STAG2: variants seen among roughly 807,000 people sequenced by gnomAD.
The protein encoded by STAG2 is STAG2 cohesin complex component, also known as cohesin subunit SA-2.
STAG2 carries 14 observed loss-of-function variants against 108.1 expected under a neutral mutation model. The observed-to-expected ratio is 0.13, with a 90% CI of 0.09 to 0.20. The LOEUF is 0.20. STAG2 is among the 10% of genes least tolerant of loss of function. The probability of loss-of-function intolerance (pLI) is 1.00; values close to 1 mark genes in which losing one functional copy is unlikely to be tolerated. For synonymous variants in STAG2, 307 were observed against 302.7 expected (o/e 1.01, Z -0.15); for missense variants, 440 against 940.9 (o/e 0.47, Z 6.96).
In STAG2 at chrX:124,100,720, T is replaced by C. The variant is rs1465485860; in HGVS notation, c.*123T>C. The C allele has an allele frequency of 2.9e-4, 151 of 521,660 alleles. 1 individual carries two copies. Among genetic ancestry groups the C allele is most frequent in the Non-Finnish European group, 9.6e-5 (31 of 323,661 alleles). The allele number at this position is 521,660 out of a possible 1,213,427, so 43.0% of individuals were successfully genotyped here. On this transcript the variant is annotated 3_prime_UTR_variant, in exon 35 of 35. Coordinates refer to ENST00000371145, the MANE Select transcript of STAG2 (RefSeq NM_001042750.2). Reference sequence around the variant, plus strand: ...CTCTAAGGAGAATATGACATGCTTATGCTTACCAAGATCAAGTGCATTGAG... The same window carrying C: ...CTCTAAGGAGAATATGACATGCTTACGCTTACCAAGATCAAGTGCATTGAG...
At chrX:124,094,259 T>C (rs1322393316) in intron 33 of STAG2, 115 bp downstream of exon 33, 3 of 732,449 alleles carry the variant, frequency 4.1e-6, no homozygotes, top group Non-Finnish European at 4.0e-6. Context: ...TGCAAAAATA[T>C]TAAAATAGTT....
intron 7 of STAG2, among the ~76,000 whole-genome samples, chrX:124,043,274 A>C (rs899905795): frequency 9.3e-6 from 1 of 107,421 alleles, no homozygotes; most frequent in Non-Finnish European, 1.9e-5. Flanking sequence ...GATTACAGGC[A>C]CCCACCACCA....
intron 3 of STAG2, among the ~76,000 whole-genome samples, chrX:124,023,583 T>G (rs888562402): frequency 7.2e-5 from 8 of 111,745 alleles, no homozygotes; most frequent in African/African-American, 2.3e-4. Flanking sequence ...TTTGTAAAAG[T>G]TAATTATTAC....
In STAG2 at chrX:124,047,356, A is replaced by G; in HGVS notation, c.670A>G (p.Met224Val). ...AFRHTSTLAA[M>V]KLMTALVNVA... Reference sequence around the variant, plus strand: ...ATACTTTTACTCTTTAAAAATAGCTATGAAGTTGATGACAGCTTTGGTGAA... The same window carrying G: ...ATACTTTTACTCTTTAAAAATAGCTGTGAAGTTGATGACAGCTTTGGTGAA... Residue 224 changes from methionine (M) to valine (V), a missense_variant and splice_region_variant, in exon 9 of 35, where the codon ATG (methionine) becomes GTG (valine). By Grantham distance (21) the Met-to-Val change is conservative (BLOSUM62 1). This residue lies in a region of STAG2 where 69 missense variants were observed against 254.9 expected (regional missense o/e 0.27). Transcript: ENST00000371145. 8.4e-7 allele frequency: 1 copy of G among 1,184,507 alleles called. No individual in the cohort carries two copies. The highest frequency in any genetic ancestry group is 1.1e-6 in the Non-Finnish European group (1 of 883,941).
intron 15 of STAG2, among the ~76,000 whole-genome samples, chrX:124,058,298 C>T (rs1238405252): frequency 9.1e-6 from 1 of 110,243 alleles, no homozygotes; most frequent in Non-Finnish European, 1.9e-5. Context: ...GCTGGGCTTC[C>T]AGGCGTGTGC....
chrX:124,044,225 G>C (rs1480090272), intron 7 of STAG2, among the ~76,000 whole-genome samples: 1 of 110,850 alleles, frequency 9.0e-6, no homozygotes, highest in Non-Finnish European at 1.9e-5. Context: ...TGAGATAATT[G>C]TCCTGAAATA....
intron 15 of STAG2, among the ~76,000 whole-genome samples, chrX:124,059,732 C>T (rs1472075111): frequency 1.8e-5 from 2 of 111,559 alleles, no homozygotes; most frequent in Admixed American, 9.5e-5. Context: ...GTAATCATAG[C>T]TCATTGCAGC....
At position 123,967,905 on chromosome X, in the gene STAG2, CTT is replaced by C. The variant is rs35898868; in HGVS notation, c.-163+6062_-163+6063del. Among the ~76,000 whole-genome samples, 770 of 101,401 alleles carry C rather than the reference CTT, an allele frequency of 7.6e-3. 7 individuals are homozygous for C. The highest frequency in any genetic ancestry group is 0.025 in the African/African-American group (717 of 28,151). The allele number at this position is 101,401 out of a possible 115,157, so 88.1% of individuals were successfully genotyped here. On this transcript the variant is annotated intron_variant, in intron 1 of 34. Transcript: ENST00000371145. ...CCTTATAATCTTATGGGACCACTGT[CTT>C]TTTTTTTTTTTTAGATGGAGTCTCC...
intron 6 of STAG2, among the ~76,000 whole-genome samples, chrX:124,037,908 A>T (rs2057568845): frequency 8.9e-6 from 1 of 112,169 alleles, no homozygotes; most frequent in South Asian, 3.6e-4. Context: ...GGTTTTAGGA[A>T]CAAAGAAATT....
chrX:124,007,405 C>G (rs1335379123), intron 1 of STAG2, among the ~76,000 whole-genome samples: 1 of 111,000 alleles, frequency 9.0e-6, no homozygotes, highest in Non-Finnish European at 1.9e-5. Flanking sequence ...TGAATACTTT[C>G]TCTGTATGTC....
chrX:124,042,529 A>G, intron 6 of STAG2, 40 bp from the exon 7 acceptor site: 2 of 983,999 alleles, frequency 2.0e-6, no homozygotes, highest in Non-Finnish European at 2.9e-6. Flanking sequence ...TTATTTTTTT[A>G]TCACACCATA....
At chrX:123,985,978 G>GT (rs1216126557) in intron 1 of STAG2, among the ~76,000 whole-genome samples, 9 of 108,109 alleles carry the variant, frequency 8.3e-5, no homozygotes, top group Non-Finnish European at 1.5e-4. Context: ...CTGGTTCTGT[G>GT]TTTTTTAGAA....
chrX:124,011,414 T>C (rs763528652), intron 1 of STAG2, among the ~76,000 whole-genome samples: 11 of 111,502 alleles, frequency 9.9e-5, no homozygotes, highest in African/African-American at 3.6e-4. Flanking sequence ...TCCAATACTA[T>C]GTTGAATAGA....
At chrX:124,093,228 A>G (rs910927764) in intron 32 of STAG2, among the ~76,000 whole-genome samples, 1 of 111,369 alleles carries the variant, frequency 9.0e-6, no homozygotes, top group Admixed American at 9.6e-5. Flanking sequence ...TTTCATTTTA[A>G]ATTTCTAAAT....
chrX:124,034,368 G>T (rs1488872856), intron 5 of STAG2, among the ~76,000 whole-genome samples: 1 of 111,673 alleles, frequency 9.0e-6, no homozygotes, highest in Admixed American at 9.5e-5. Flanking sequence ...CCTCTTAAGA[G>T]AGAATGTCTG....
chrX:124,040,940 A>C (rs1421310826), intron 6 of STAG2, among the ~76,000 whole-genome samples: 3 of 91,260 alleles, frequency 3.3e-5, no homozygotes, highest in Admixed American at 1.4e-4. Context: ...GGCTCACTGC[A>C]ACCTCTGCCT....
chrX:124,006,036 C>A (rs1479347032), intron 1 of STAG2, among the ~76,000 whole-genome samples: 1 of 111,109 alleles, frequency 9.0e-6, no homozygotes, highest in South Asian at 3.8e-4. Context: ...GAGTACCACT[C>A]ATATTGCATT....
chrX:123,972,049 G>A (rs143326810), intron 1 of STAG2, among the ~76,000 whole-genome samples: 1,523 of 111,055 alleles, frequency 0.014, 31 homozygotes, highest in African/African-American at 0.047. Context: ...TATTACTGGT[G>A]AATTCAAATG....
At chrX:123,996,086 A>G (rs973556847) in intron 1 of STAG2, among the ~76,000 whole-genome samples, 1 of 112,288 alleles carries the variant, frequency 8.9e-6, no homozygotes, top group Admixed American at 9.5e-5. Flanking sequence ...CCGTACATAC[A>G]TTGCCGGTGG....
Sources: gnomAD v4.1 joint callset for allele counts (sites outside exome capture counted in the v4.1 genomes callset) on GRCh38, gnomAD v4.1.1 for gene constraint, gnomAD v4.1.1 regional missense constraint, MANE v1.5 for transcripts, NCBI Gene and HGNC (gene_info 2026-07-23, HGNC 2026-07-21) for gene names.